EXOC4: variants seen among roughly 807,000 people sequenced by gnomAD.
EXOC4 encodes SEC8-like 1.
A neutral mutation model predicts 107.2 loss-of-function variants in EXOC4; 71 were observed. The observed-to-expected ratio is 0.66, with a 90% CI of 0.55 to 0.81. The LOEUF is 0.81. Ranked by LOEUF, EXOC4 falls within the 30% of genes least tolerant of loss-of-function variation. The probability of loss-of-function intolerance (pLI) is 0.00; values close to 1 mark genes in which losing one functional copy is unlikely to be tolerated. For synonymous variants in EXOC4, 456 were observed against 441.2 expected (o/e 1.03, Z -0.42); for missense variants, 1,108 against 1,189.6 (o/e 0.93, Z 1.01).
intron 9 of EXOC4, among the ~76,000 whole-genome samples, chr7:133,567,877 T>G (rs1278723757): frequency 2.0e-5 from 3 of 152,214 alleles, no homozygotes; most frequent in Non-Finnish European, 4.4e-5. Context: ...ATGAGGACTC[T>G]GCCTCTTGAA....
intron 10 of EXOC4, among the ~76,000 whole-genome samples, chr7:133,665,824 C>G (rs1793797837): frequency 6.6e-6 from 1 of 152,004 alleles, no homozygotes; most frequent in Non-Finnish European, 1.5e-5. Context: ...CCAGCCAGAA[C>G]CTTCATTTTT....
intron 11 of EXOC4, among the ~76,000 whole-genome samples, chr7:133,831,912 A>C (rs1585183680): frequency 6.6e-6 from 1 of 152,192 alleles, no homozygotes; most frequent in Non-Finnish European, 1.5e-5. Flanking sequence ...CTATAACTAC[A>C]TGGAGCATTC....
At chr7:133,260,499 C>T (rs1359685212) in intron 1 of EXOC4, among the ~76,000 whole-genome samples, 1 of 152,176 alleles carries the variant, frequency 6.6e-6, no homozygotes, top group Non-Finnish European at 1.5e-5. Flanking sequence ...GTCTTGAACT[C>T]CTGACCTCAA....
At chr7:133,978,284 C>A (rs1395326742) in intron 14 of EXOC4, among the ~76,000 whole-genome samples, 1 of 152,174 alleles carries the variant, frequency 6.6e-6, no homozygotes. Flanking sequence ...CAAATAAAAG[C>A]CAGTTGAGAT....
chr7:133,456,717 C>T (rs1164503320), intron 7 of EXOC4, among the ~76,000 whole-genome samples: 4 of 152,108 alleles, frequency 2.6e-5, no homozygotes, highest in African/African-American at 9.7e-5. Context: ...TCACAGAGCC[C>T]AGGATGAAGG....
intron 8 of EXOC4, among the ~76,000 whole-genome samples, chr7:133,476,684 G>A (rs1799021575): frequency 6.6e-6 from 1 of 152,182 alleles, no homozygotes. Flanking sequence ...TTTTTAAACA[G>A]TTTTATTCAG....
Position 133,517,887 on chromosome 7 carries a change from A to G in EXOC4, c.1417+37749A>G, listed in dbSNP as rs1799909443. On this transcript the variant is annotated intron_variant, in intron 9 of 17. Transcript: ENST00000253861. Reference sequence around the variant, plus strand: ...CATATGCATATATCAGTTAGCTTTTACTACGTGATGAATCACCCCATACTT... The same window carrying G: ...CATATGCATATATCAGTTAGCTTTTGCTACGTGATGAATCACCCCATACTT... Among the ~76,000 whole-genome samples the G allele has an allele frequency of 3.9e-5, 6 of 152,272 alleles. No individual in the cohort carries two copies. The South Asian group carries it at 1.2e-3, about 32-fold the overall frequency.
chr7:133,984,820 A>T (rs139518125), intron 14 of EXOC4, among the ~76,000 whole-genome samples: 43 of 152,102 alleles, frequency 2.8e-4, no homozygotes, highest in African/African-American at 9.9e-4. Context: ...CCTCACAACA[A>T]CTCCCTAAGT....
intron 17 of EXOC4, among the ~76,000 whole-genome samples, chr7:134,028,092 T>G (rs1347471228): frequency 6.6e-6 from 1 of 152,232 alleles, no homozygotes; most frequent in East Asian, 1.9e-4. Context: ...TAGAATCCTC[T>G]GGAGGAGGAG....
chr7:133,715,790 T>G (rs904409313), intron 10 of EXOC4, among the ~76,000 whole-genome samples: 1 of 152,110 alleles, frequency 6.6e-6, no homozygotes, highest in African/African-American at 2.4e-5. Flanking sequence ...GAAGGGAGGA[T>G]GCTAGGGTAC....
chr7:133,291,935 T>C (rs1794416179), intron 3 of EXOC4, among the ~76,000 whole-genome samples: 1 of 131,618 alleles, frequency 7.6e-6, no homozygotes, highest in Non-Finnish European at 1.6e-5. Flanking sequence ...CTGAGCTCTT[T>C]ATTTTGTTTT....
chr7:133,415,362 C>T (rs912721315), intron 7 of EXOC4, among the ~76,000 whole-genome samples: 1 of 146,958 alleles, frequency 6.8e-6, no homozygotes, highest in African/African-American at 2.5e-5. Flanking sequence ...AAAGTGGCTG[C>T]ATGCTTTTAC....
chr7:133,787,966 TATA>T (rs1796618517), intron 10 of EXOC4, among the ~76,000 whole-genome samples: 37 of 16,490 alleles, frequency 2.2e-3, no homozygotes, highest in South Asian at 7.3e-3. Context: ...TATATATTTA[TATA>T]TATATATATA....
At chr7:133,688,047 T>C (rs1327087705) in intron 10 of EXOC4, among the ~76,000 whole-genome samples, 2 of 152,180 alleles carry the variant, frequency 1.3e-5, no homozygotes, top group African/African-American at 2.4e-5. Context: ...TAAAATAGTT[T>C]AGGGAACCAT....
rs138230819 is a variant in EXOC4 at position 133,940,377 on chromosome 7, CT to C, written c.2206+2309del. ...CATGCCTATAATCATCTCTGTTATT[CT>C]GACAAAGATCTCATCTACCACGCCT... On this transcript the variant is annotated intron_variant, in intron 14 of 17. Transcript: ENST00000253861. Among the ~76,000 whole-genome samples the C allele has an allele frequency of 1.2e-3, 187 of 152,298 alleles. 1 individual carries two copies. The highest frequency in any genetic ancestry group is 4.2e-3 in the African/African-American group (176 of 41,572).
chr7:133,308,052 A>G (rs1187345566), intron 4 of EXOC4, among the ~76,000 whole-genome samples: 2 of 152,220 alleles, frequency 1.3e-5, no homozygotes, highest in Admixed American at 6.5e-5. Context: ...AAGTAGAGAA[A>G]TTTAAGTCTT....
At chr7:133,928,792 G>A (rs912720677) in intron 13 of EXOC4, among the ~76,000 whole-genome samples, 2 of 151,904 alleles carry the variant, frequency 1.3e-5, no homozygotes, top group African/African-American at 2.4e-5. Flanking sequence ...CAGAGGAGGG[G>A]GTCCTCACCC....
intron 7 of EXOC4, among the ~76,000 whole-genome samples, chr7:133,465,510 A>C (rs1278810710): frequency 6.6e-6 from 1 of 152,206 alleles, no homozygotes; most frequent in Non-Finnish European, 1.5e-5. Context: ...AAGAAAATAC[A>C]GAGAAGACTT....
chr7:133,448,831 G>A (rs750347913), intron 7 of EXOC4, among the ~76,000 whole-genome samples: 11 of 152,264 alleles, frequency 7.2e-5, no homozygotes, highest in Non-Finnish European at 1.2e-4. Flanking sequence ...TAGGCCAGGC[G>A]TGGTGGCTCA....
Sources: gnomAD v4.1 joint callset for allele counts (sites outside exome capture counted in the v4.1 genomes callset) on GRCh38, gnomAD v4.1.1 for gene constraint, MANE v1.5 for transcripts, NCBI Gene and HGNC (gene_info 2026-07-23, HGNC 2026-07-21) for gene names.